TP53BP1: variants seen among roughly 807,000 people sequenced by gnomAD.
TP53BP1 encodes tumor protein p53 binding protein 1, also known as TP53-binding protein 1.
In TP53BP1, 61 loss-of-function variants were observed where a neutral mutation model predicts 200.8. The observed-to-expected ratio is 0.30, with a 90% CI of 0.25 to 0.38. TP53BP1 has a LOEUF of 0.38. Among genes scored for constraint, TP53BP1 ranks in the 10% least tolerant of loss-of-function variants. The pLI, the probability that TP53BP1 is intolerant of heterozygous loss-of-function variation, is 1.00. For missense variants in TP53BP1, 2,144 were observed against 2,371.9 expected (o/e 0.90, Z 2.00); for synonymous variants, 822 against 844.3 (o/e 0.97, Z 0.46).
At chr15:43,445,900 A>G (rs573045785) in intron 14 of TP53BP1, among the ~76,000 whole-genome samples, 1 of 152,196 alleles carries the variant, frequency 6.6e-6, no homozygotes, top group Non-Finnish European at 1.5e-5. Context: ...TGAAAGACTC[A>G]GCTGATGCTT....
intron 15 of TP53BP1, chr15:43,441,325 T>C (rs2045921163): frequency 2.1e-6 from 1 of 483,714 alleles, no homozygotes; most frequent in South Asian, 3.6e-5. Context: ...ATCTTAGTTC[T>C]AGGTGTAGAA....
Position 43,405,229 on chromosome 15 carries a change from T to A in TP53BP1, c.*2154A>T. The A allele has an allele frequency of 6.2e-7, 1 of 1,614,046 alleles. No individual in the cohort carries two copies. The highest frequency in any genetic ancestry group is 2.2e-5 in the East Asian group (1 of 44,864). On this transcript the variant is annotated 3_prime_UTR_variant, in exon 28 of 28. Transcript: ENST00000382044. ...TCGGGATGTGAAAATTTCTGGCTCA[T>A]AAATTGAAATAACAGCCACGTTCCC...
intron 1 of TP53BP1, 23 bp from the exon 2 acceptor site, chr15:43,492,491 C>A (rs1469799102): frequency 1.2e-6 from 2 of 1,602,080 alleles, no homozygotes; most frequent in African/African-American, 1.3e-5. Flanking sequence ...AACAAAAGAT[C>A]AGTTCCGTGT....
intron 13 of TP53BP1, chr15:43,447,044 C>T (rs2046057946): frequency 2.1e-6 from 1 of 480,834 alleles, no homozygotes; most frequent in Non-Finnish European, 4.1e-6. Context: ...GTACTTCTAC[C>T]TTACTTCCTG....
At chr15:43,509,189 G>GC (rs2079255650) in intron 1 of TP53BP1, among the ~76,000 whole-genome samples, 1 of 44,712 alleles carries the variant, frequency 2.2e-5, no homozygotes, top group Admixed American at 2.4e-4. Context: ...ATCCACAAAC[G>GC]GGGGGGGGGG....
At chr15:43,423,657 C>CAAA (rs34954998) in intron 18 of TP53BP1, among the ~76,000 whole-genome samples, 1 of 110,362 alleles carries the variant, frequency 9.1e-6, no homozygotes, top group Non-Finnish European at 2.1e-5. Flanking sequence ...GACTCCACCT[C>CAAA]AAAAAAAAAA....
intron 11 of TP53BP1, among the ~76,000 whole-genome samples, chr15:43,465,812 T>C (rs2046562565): frequency 6.6e-6 from 1 of 152,066 alleles, no homozygotes; most frequent in South Asian, 2.1e-4. Context: ...GTTGTTGTTG[T>C]TGTTGTTGTT....
At chr15:43,445,810 T>C (rs1044399122) in intron 14 of TP53BP1, among the ~76,000 whole-genome samples, 1 of 152,138 alleles carries the variant, frequency 6.6e-6, no homozygotes, top group African/African-American at 2.4e-5. Flanking sequence ...GGTTAAAGAC[T>C]GGGTAGAATT....
intron 16 of TP53BP1, among the ~76,000 whole-genome samples, chr15:43,434,549 G>A (rs746157394): frequency 1.3e-5 from 2 of 152,146 alleles, no homozygotes; most frequent in South Asian, 2.1e-4. Flanking sequence ...CAAGGTGATG[G>A]TATTAAGAGG....
Position 43,475,627 on chromosome 15 carries a change from G to A in TP53BP1, c.1023C>T (p.Ala341=), listed in dbSNP as rs2078869275. 3 of 1,613,938 alleles carry A rather than the reference G, an allele frequency of 1.9e-6. No homozygotes were observed. Among genetic ancestry groups the A allele is most frequent in the Admixed American group, 1.7e-5 (1 of 59,998 alleles). The change falls in exon 9 of 28, where the codon GCC becomes GCT. Residue 341 remains alanine, a synonymous_variant. Transcript: ENST00000382044. The stretch of plus-strand genomic sequence containing the variant: ...AGAGCTGCAGGAGATGCAGAGTGGT[G>A]GCAGGAGTGGAAGCCAAAGAACACC... ...EGGCSLASTP[A]TTLHLLQLSG...
upstream of TP53BP1, among the ~76,000 whole-genome samples, chr15:43,496,103 C>T (rs1811410978): frequency 6.6e-6 from 1 of 152,140 alleles, no homozygotes; most frequent in Admixed American, 6.5e-5. Flanking sequence ...TCCTAAACCA[C>T]CTTAGACAGA....
intron 11 of TP53BP1, among the ~76,000 whole-genome samples, chr15:43,469,332 A>G (rs1020885928): frequency 3.9e-5 from 6 of 152,356 alleles, no homozygotes; most frequent in African/African-American, 1.4e-4. Context: ...ACTTAGAGAA[A>G]TAATACATGA....
In TP53BP1 at chr15:43,404,083, T is replaced by C; in HGVS notation, c.*3300A>G. ...CCTCACATCCTCCCCCCTCCTTACT[T>C]CCTTGAACTAACCCCCATCTCACTG... is the stretch of plus-strand genomic sequence containing the variant. On this transcript the variant is annotated 3_prime_UTR_variant, in exon 28 of 28. Coordinates refer to ENST00000382044, the MANE Select transcript of TP53BP1 (RefSeq NM_001141980.3). 1.9e-6 allele frequency: 1 copy of C among 521,386 alleles called. No homozygotes were observed. The highest frequency in any genetic ancestry group is 3.4e-6 in the Non-Finnish European group (1 of 292,648). 32.3% of individuals were successfully genotyped at this position (521,386 alleles called of 1,614,324 possible).
chr15:43,414,257 GT>G, intron 23 of TP53BP1: 9 of 398,434 alleles, frequency 2.3e-5, no homozygotes, highest in South Asian at 1.8e-4. Flanking sequence ...CAACTTTTCT[GT>G]GCCTCAAAGT....
intron 23 of TP53BP1, among the ~76,000 whole-genome samples, chr15:43,414,878 T>C (rs1404737111): frequency 6.6e-6 from 1 of 151,884 alleles, no homozygotes; most frequent in African/African-American, 2.4e-5. Flanking sequence ...GCTACTTTTT[T>C]TGTATTTTTA....
intron 21 of TP53BP1, 85 bp from the exon 22 acceptor site, chr15:43,416,501 GAGTT>G: frequency 7.5e-7 from 1 of 1,339,570 alleles, no homozygotes; most frequent in Non-Finnish European, 1.0e-6. Flanking sequence ...AAGCAGGCCT[GAGTT>G]AGGGAATTTA....
intron 26 of TP53BP1, chr15:43,408,449 C>A: frequency 3.7e-6 from 1 of 267,922 alleles, no homozygotes; most frequent in Non-Finnish European, 7.2e-6. Flanking sequence ...CCACTGTACT[C>A]CAGCCTAGGT....
upstream of TP53BP1, chr15:43,493,276 A>G (rs954096917): frequency 6.5e-6 from 9 of 1,378,302 alleles, no homozygotes; most frequent in South Asian, 1.5e-5. Flanking sequence ...CGTAAGAAAA[A>G]GGAACACGGC....
At chr15:43,504,268 C>T (rs2079225007) in intron 1 of TP53BP1, among the ~76,000 whole-genome samples, 1 of 152,296 alleles carries the variant, frequency 6.6e-6, no homozygotes, top group Non-Finnish European at 1.5e-5. Context: ...CTGCTTTAGC[C>T]TCCCAAAGTG....
Sources: gnomAD v4.1 joint callset for allele counts (sites outside exome capture counted in the v4.1 genomes callset) on GRCh38, gnomAD v4.1.1 for gene constraint, MANE v1.5 for transcripts, NCBI Gene and HGNC (gene_info 2026-07-23, HGNC 2026-07-21) for gene names.